The following KCMF1 variants were observed in gnomAD, a reference collection of about 807,000 sequenced individuals.
KCMF1 encodes potassium channel modulatory factor 1.
A neutral mutation model predicts 41.1 loss-of-function variants in KCMF1; 3 were observed. The ratio of observed to expected loss-of-function variants is 0.07; its 90% CI spans 0.03 to 0.19. The LOEUF is 0.19. Ranked by LOEUF, KCMF1 falls within the 10% of genes least tolerant of loss-of-function variation. The pLI is 1.00. For synonymous variants in KCMF1, 142 were observed against 164.5 expected (o/e 0.86, Z 1.04); for missense variants, 286 against 488.9 (o/e 0.58, Z 3.91).
chr2:85,020,520 C>T (rs1268432694), intron 1 of KCMF1, among the ~76,000 whole-genome samples: 1 of 152,086 alleles, frequency 6.6e-6, no homozygotes, highest in Non-Finnish European at 1.5e-5. Context: ...TCTCAACCTC[C>T]TAGACTCAAG....
chr2:85,030,925 GAGCTCAAAGTGATCTGCCTGCCTC>G (rs1316334876), intron 2 of KCMF1, among the ~76,000 whole-genome samples: 1 of 152,102 alleles, frequency 6.6e-6, no homozygotes, highest in East Asian at 1.9e-4. Flanking sequence ...TCAAACTCCT[GAGCTCAAAGTGATCTGCCTGCCTC>G]AGCCTCCCAA....
At chr2:85,047,959 G>C (rs1675711985) in intron 5 of KCMF1, among the ~76,000 whole-genome samples, 1 of 152,166 alleles carries the variant, frequency 6.6e-6, no homozygotes. Flanking sequence ...CACTGGGGGA[G>C]GGTAGCAAGA....
intron 1 of KCMF1, among the ~76,000 whole-genome samples, chr2:84,974,658 CATATATATATATATATATATAT>C (rs71392939): frequency 3.4e-5 from 1 of 29,332 alleles, no homozygotes; most frequent in East Asian, 1.5e-3. Flanking sequence ...ATTTTAATTT[CATATATATATATATATATATAT>C]ATATATATAT....
In KCMF1 at chr2:85,057,711, C is replaced by A. The variant is rs1006274089; in HGVS notation, c.*4302C>A. The A allele has an allele frequency of 2.0e-5, 3 of 152,178 alleles. No individual in the cohort carries two copies. Among genetic ancestry groups the A allele is most frequent in the Admixed American group, 6.5e-5 (1 of 15,268 alleles). 9.4% of individuals were successfully genotyped at this position (152,178 alleles called of 1,614,324 possible). On this transcript the variant is annotated 3_prime_UTR_variant, in exon 7 of 7. Coordinates refer to ENST00000409785, the MANE Select transcript of KCMF1 (RefSeq NM_020122.5). ...TTTTCAACCCATTTCTGTCAGTGTT[C>A]TATAAATGCATACATTCGTTATTTA...
chr2:85,008,720 C>T (rs1016926370), intron 1 of KCMF1, among the ~76,000 whole-genome samples: 2 of 151,192 alleles, frequency 1.3e-5, no homozygotes, highest in African/African-American at 4.9e-5. Flanking sequence ...TGTTTTCAGT[C>T]GCTCACTGGA....
chr2:85,027,995 A>G lies in KCMF1; in HGVS notation c.123A>G (p.Ala41=). 6.2e-7 allele frequency: 1 copy of G among 1,611,366 alleles called. No homozygotes were observed. Among genetic ancestry groups the G allele is most frequent in the Non-Finnish European group, 8.5e-7 (1 of 1,177,684 alleles). The change falls in exon 2 of 7, where the codon GCA becomes GCG. Residue 41 remains alanine (A), a synonymous_variant. Coordinates refer to ENST00000409785, the MANE Select transcript of KCMF1 (RefSeq NM_020122.5). ...GTGCATCTTGTTATGAAAGTGGTGC[A>G]ACAACAACAAGGCATACAACTGACC... is the stretch of plus-strand genomic sequence containing the variant. ...DLCASCYESG[A]TTTRHTTDHP...
chr2:85,059,197 A>G lies in KCMF1; in HGVS notation c.*5788A>G, dbSNP rs1676007581. ...CAATTAACAAGACACTAGTTTCCCCATAAAAGTCCATTTTTAAATATATAG... is the reference window on the plus strand; with the variant it reads ...CAATTAACAAGACACTAGTTTCCCCGTAAAAGTCCATTTTTAAATATATAG... On this transcript the variant is annotated 3_prime_UTR_variant, in exon 7 of 7. Transcript: ENST00000409785. 1.3e-5 allele frequency: 2 copies of G among 152,176 alleles called. No homozygotes were observed. The highest frequency in any genetic ancestry group is 2.9e-5 in the Non-Finnish European group (2 of 68,028). The allele number at this position is 152,176 out of a possible 1,614,324, so 9.4% of individuals were successfully genotyped here.
intron 1 of KCMF1, among the ~76,000 whole-genome samples, chr2:85,014,690 T>C (rs924705502): frequency 2.0e-5 from 3 of 149,660 alleles, no homozygotes; most frequent in African/African-American, 5.0e-5. Context: ...CACATGTATA[T>C]GGAAATACTG....
intron 1 of KCMF1, among the ~76,000 whole-genome samples, chr2:85,024,886 A>C (rs976156293): frequency 3.9e-5 from 6 of 151,966 alleles, no homozygotes; most frequent in African/African-American, 1.2e-4. Flanking sequence ...AGATTTCAAC[A>C]TCTGTTTCTG....
Position 85,056,832 on chromosome 2 carries a change from G to A in KCMF1, c.*3423G>A, listed in dbSNP as rs1019980161. ...CTATATATGACATGCCTGTTTCTTAGTTTGCATGCACAGTTTAAGGGGCAC... is the reference window on the plus strand; with the variant it reads ...CTATATATGACATGCCTGTTTCTTAATTTGCATGCACAGTTTAAGGGGCAC... On this transcript the variant is annotated 3_prime_UTR_variant, in exon 7 of 7. Coordinates refer to ENST00000409785, the MANE Select transcript of KCMF1 (RefSeq NM_020122.5). 1.3e-5 allele frequency: 2 copies of A among 152,184 alleles called. No homozygotes were observed. Among genetic ancestry groups the A allele is most frequent in the Non-Finnish European group, 2.9e-5 (2 of 68,032 alleles). The allele number at this position is 152,184 out of a possible 1,614,324, so 9.4% of individuals were successfully genotyped here. A position where few individuals can be genotyped will look rare whatever the true frequency, so the allele number is the denominator to read the frequency against.
intron 2 of KCMF1, among the ~76,000 whole-genome samples, chr2:85,030,964 C>G (rs1459243192): frequency 6.6e-6 from 1 of 152,226 alleles, no homozygotes; most frequent in African/African-American, 2.4e-5. Flanking sequence ...TCCCAAAGTG[C>G]TGAGATTGCA....
intron 1 of KCMF1, among the ~76,000 whole-genome samples, chr2:84,979,181 G>A (rs1673637214): frequency 6.6e-6 from 1 of 152,112 alleles, no homozygotes; most frequent in South Asian, 2.1e-4. Flanking sequence ...AGCTCCAAAA[G>A]TTTTTAGTGA....
Position 85,035,173 on chromosome 2 carries a change from CT to C in KCMF1, c.324+20del. On this transcript the variant is annotated intron_variant, in intron 3 of 6. Transcript: ENST00000409785. ...CAGAAGTGGTAAGTGAAGCAGCAAC[CT>C]TATGACTAAAATGATGTTGTAAAGT... 1 of 1,602,676 alleles carries C rather than the reference CT, an allele frequency of 6.2e-7. No individual in the cohort carries two copies. The highest frequency in any genetic ancestry group is 8.5e-7 in the Non-Finnish European group (1 of 1,174,046).
chr2:85,056,824 G>A lies in KCMF1; in HGVS notation c.*3415G>A, dbSNP rs144063603. The A allele has an allele frequency of 6.6e-6, 1 of 152,176 alleles. No homozygotes were observed. Among genetic ancestry groups the A allele is most frequent in the African/African-American group, 2.4e-5 (1 of 41,430 alleles). 9.4% of individuals were successfully genotyped at this position (152,176 alleles called of 1,614,324 possible). On this transcript the variant is annotated 3_prime_UTR_variant, in exon 7 of 7. Transcript: ENST00000409785. The stretch of plus-strand genomic sequence containing the variant: ...CGTGTTTACTATATATGACATGCCT[G>A]TTTCTTAGTTTGCATGCACAGTTTA...
intron 1 of KCMF1, among the ~76,000 whole-genome samples, chr2:84,981,955 T>TC (rs1354856054): frequency 1.3e-5 from 2 of 151,610 alleles, no homozygotes; most frequent in African/African-American, 4.8e-5. Context: ...AATTTTTGTA[T>TC]TTTTTTTAGT....
intron 1 of KCMF1, among the ~76,000 whole-genome samples, chr2:84,990,232 T>C (rs985428456): frequency 3.3e-5 from 5 of 152,176 alleles, no homozygotes; most frequent in African/African-American, 7.2e-5. Context: ...TTGAGGACAC[T>C]ACCCAAAGGT....
chr2:84,990,940 G>A (rs1309356877), intron 1 of KCMF1, among the ~76,000 whole-genome samples: 1 of 152,102 alleles, frequency 6.6e-6, no homozygotes, highest in Admixed American at 6.5e-5. Context: ...AAAACCCAGT[G>A]GATGGTTTTG....
At chr2:84,984,641 A>G (rs181084022) in intron 1 of KCMF1, among the ~76,000 whole-genome samples, 10 of 152,068 alleles carry the variant, frequency 6.6e-5, no homozygotes, top group Admixed American at 2.0e-4. Flanking sequence ...ACCAACATGA[A>G]GAAACCCCGT....
At position 85,015,206 on chromosome 2, in the gene KCMF1, C is replaced by A. The variant is rs377434783; in HGVS notation, c.17-12683C>A. Among the ~76,000 whole-genome samples the A allele has an allele frequency of 5.9e-4, 90 of 151,648 alleles. No homozygotes were observed. The East Asian group carries it at 0.015, about 25-fold the overall frequency. The stretch of plus-strand genomic sequence containing the variant: ...GTTATAGACACACATTAATCCCCCC[C>A]GCTTTCCCTTCTCTCTTTTTGAGCT... On this transcript the variant is annotated intron_variant, in intron 1 of 6. Coordinates refer to ENST00000409785, the MANE Select transcript of KCMF1 (RefSeq NM_020122.5).
Sources: allele counts gnomAD v4.1 joint callset (sites outside exome capture counted in the v4.1 genomes callset), GRCh38; gene constraint gnomAD v4.1.1; transcripts MANE v1.5; gene names NCBI Gene and HGNC (gene_info 2026-07-23, HGNC 2026-07-21).